TNFSF4: variants seen among roughly 807,000 people sequenced by gnomAD.
TNFSF4 encodes tumor necrosis factor ligand superfamily member 4.
A neutral mutation model predicts 7.3 loss-of-function variants in TNFSF4; 4 were observed. That is an observed-to-expected ratio of 0.55 (90% CI 0.27 to 1.25). The LOEUF is 1.25. TNFSF4 is among the 50% of genes most tolerant of loss of function. The probability of loss-of-function intolerance (pLI) is 0.12; values close to 1 mark genes in which losing one functional copy is unlikely to be tolerated. For missense variants in TNFSF4, 181 were observed against 208.8 expected, an observed-to-expected ratio of 0.87 and a Z score of 0.82; for synonymous variants, 76 against 83.7, an observed-to-expected ratio of 0.91 and a Z score of 0.50.
At chr1:173,395,076 T>C in the TNFSF4 span, among the ~76,000 whole-genome samples, 1 of 147,624 alleles carries the variant, frequency 6.8e-6, no homozygotes, top group Non-Finnish European at 1.5e-5. Context: ...GATAGATAGA[T>C]AGCTATAAAG....
chr1:173,283,791 A>T, the TNFSF4 span, among the ~76,000 whole-genome samples: 1 of 152,128 alleles, frequency 6.6e-6, no homozygotes, highest in Non-Finnish European at 1.5e-5. Flanking sequence ...TATTTATAAG[A>T]AAACCATAAG....
the TNFSF4 span, among the ~76,000 whole-genome samples, chr1:173,233,707 A>T: frequency 6.6e-6 from 1 of 152,240 alleles, no homozygotes; most frequent in African/African-American, 2.4e-5. Context: ...TCGCTGAATT[A>T]AAATCAATGA....
At chr1:173,297,338 A>T in the TNFSF4 span, among the ~76,000 whole-genome samples, 7 of 152,012 alleles carry the variant, frequency 4.6e-5, no homozygotes, top group Admixed American at 1.3e-4. Context: ...GATCACTGGT[A>T]TGGCAGACAG....
At chr1:173,340,323 TACACACAC>T in the TNFSF4 span, among the ~76,000 whole-genome samples, 4,029 of 135,766 alleles carry the variant, frequency 0.03, 83 homozygotes, top group African/African-American at 0.067. Context: ...CTAATCTGTT[TACACACAC>T]ACACACACAC....
At chr1:173,305,756 C>T in the TNFSF4 span, among the ~76,000 whole-genome samples, 3 of 151,300 alleles carry the variant, frequency 2.0e-5, no homozygotes, top group Non-Finnish European at 3.0e-5. Context: ...CCTCAGGAAA[C>T]TTACAATCAT....
intron 2 of TNFSF4, among the ~76,000 whole-genome samples, chr1:173,187,624 C>T (rs1415104181): frequency 6.6e-6 from 1 of 152,160 alleles, no homozygotes; most frequent in Non-Finnish European, 1.5e-5. Flanking sequence ...CTCTTCTCTA[C>T]CTCCTGTTGC....
At chr1:173,305,676 G>A in the TNFSF4 span, among the ~76,000 whole-genome samples, 12 of 151,236 alleles carry the variant, frequency 7.9e-5, no homozygotes, top group South Asian at 6.3e-4. Context: ...GATATTACCC[G>A]AGACTGGGTA....
the TNFSF4 span, among the ~76,000 whole-genome samples, chr1:173,407,300 G>A: frequency 9.9e-5 from 15 of 151,976 alleles, no homozygotes; most frequent in African/African-American, 3.4e-4. Flanking sequence ...CTGGCCAGGC[G>A]CGGTGGCTCA....
At chr1:173,287,969 G>A in the TNFSF4 span, among the ~76,000 whole-genome samples, 1 of 152,182 alleles carries the variant, frequency 6.6e-6, no homozygotes, top group Admixed American at 6.5e-5. Context: ...ATAGTGGGAT[G>A]TGTGTATGTT....
chr1:173,340,991 T>C, the TNFSF4 span, among the ~76,000 whole-genome samples: 1 of 152,174 alleles, frequency 6.6e-6, no homozygotes, highest in Non-Finnish European at 1.5e-5. Context: ...GTTCTCGTGA[T>C]AGTGAGTGAG....
the TNFSF4 span, among the ~76,000 whole-genome samples, chr1:173,392,352 G>A: frequency 2.6e-5 from 4 of 152,130 alleles, no homozygotes; most frequent in Admixed American, 2.0e-4. Context: ...TAGTCAGTTT[G>A]AAGAAAGAAA....
At chr1:173,297,245 A>C in the TNFSF4 span, among the ~76,000 whole-genome samples, 1 of 152,026 alleles carries the variant, frequency 6.6e-6, no homozygotes, top group Middle Eastern at 3.4e-3. Context: ...TACACCATCT[A>C]ATGATATGTT....
the TNFSF4 span, among the ~76,000 whole-genome samples, chr1:173,388,717 TA>T: frequency 6.6e-6 from 1 of 152,264 alleles, no homozygotes; most frequent in African/African-American, 2.4e-5. Flanking sequence ...AAAACATAAT[TA>T]TTTTTCATGT....
the TNFSF4 span, among the ~76,000 whole-genome samples, chr1:173,383,374 T>A: frequency 6.6e-6 from 1 of 152,244 alleles, no homozygotes; most frequent in African/African-American, 2.4e-5. Flanking sequence ...ATAGCTTATT[T>A]AGTGAGGTAT....
chr1:173,333,026 C>T, the TNFSF4 span, among the ~76,000 whole-genome samples: 8 of 152,178 alleles, frequency 5.3e-5, no homozygotes, highest in African/African-American at 1.7e-4. Context: ...CCAGACAATT[C>T]TGTTCATTCA....
At chr1:173,345,743 T>A in the TNFSF4 span, among the ~76,000 whole-genome samples, 1 of 152,186 alleles carries the variant, frequency 6.6e-6, no homozygotes, top group Non-Finnish European at 1.5e-5. Flanking sequence ...TGGAGAAGCA[T>A]AACTGAAGTT....
the TNFSF4 span, among the ~76,000 whole-genome samples, chr1:173,378,676 G>C: frequency 1.3e-5 from 2 of 152,114 alleles, no homozygotes; most frequent in African/African-American, 2.4e-5. Context: ...AATAGCTTAT[G>C]TCCAAGCTTT....
At chr1:173,324,007 T>C in the TNFSF4 span, among the ~76,000 whole-genome samples, 8 of 152,038 alleles carry the variant, frequency 5.3e-5, no homozygotes, top group African/African-American at 7.2e-5. Context: ...AGGAAATACA[T>C]AGAACGCCAC....
the TNFSF4 span, among the ~76,000 whole-genome samples, chr1:173,372,120 C>T: frequency 5.3e-5 from 8 of 152,202 alleles, no homozygotes; most frequent in African/African-American, 1.7e-4. Context: ...GCTCTGCCTA[C>T]AACAAGTCAA....
Sources: allele counts gnomAD v4.1 joint callset (sites outside exome capture counted in the v4.1 genomes callset), GRCh38; gene constraint gnomAD v4.1.1; transcripts MANE v1.5; gene names NCBI Gene and HGNC (gene_info 2026-07-23, HGNC 2026-07-21).